Variants in TCAIM observed in about 807,000 individuals in gnomAD.
TCAIM encodes T-cell activation inhibitor, mitochondrial.
TCAIM carries 36 observed loss-of-function variants against 58.6 expected under a neutral mutation model. The ratio of observed to expected loss-of-function variants is 0.61; its 90% CI spans 0.47 to 0.81. The LOEUF is 0.81. Among genes scored for constraint, TCAIM ranks in the 30% least tolerant of loss-of-function variants. The probability of loss-of-function intolerance (pLI) is 0.00; values close to 1 mark genes in which losing one functional copy is unlikely to be tolerated. For synonymous variants in TCAIM, 172 were observed against 193.6 expected, an observed-to-expected ratio of 0.89 and a Z score of 0.93; for missense variants, 466 against 579.6, an observed-to-expected ratio of 0.80 and a Z score of 2.01.
In TCAIM at chr3:44,357,746, G is replaced by A. The variant is rs1701223543; in HGVS notation, c.35G>A (p.Cys12Tyr). 6.2e-7 allele frequency: 1 copy of A among 1,614,070 alleles called. No individual in the cohort carries two copies. Among genetic ancestry groups the A allele is most frequent in the Non-Finnish European group, 8.5e-7 (1 of 1,179,978 alleles). ...AGTCCACATCTTTTTAAAAGGTTAT[G>A]TCTAGAGAAGATATTTCCACACTGG... ...FCHLRPMRRL[C>Y]LEKIFPHWFP... The change falls in exon 3 of 11, where the codon TGT becomes TAT. Residue 12 changes from cysteine (C) to tyrosine (Y), a missense_variant. Coordinates refer to ENST00000342649, the MANE Select transcript of TCAIM (RefSeq NM_173826.4).
chr3:44,388,466 A>C (rs1286018456), intron 5 of TCAIM, among the ~76,000 whole-genome samples: 1 of 152,078 alleles, frequency 6.6e-6, no homozygotes, highest in Non-Finnish European at 1.5e-5. Flanking sequence ...TTGCAGGCCT[A>C]CCCCAGAAGT....
chr3:44,347,707 A>G (rs1159101406), intron 1 of TCAIM, among the ~76,000 whole-genome samples: 1 of 152,224 alleles, frequency 6.6e-6, no homozygotes, highest in Non-Finnish European at 1.5e-5. Flanking sequence ...TTAAAAGGCC[A>G]TGCTGTAACA....
intron 1 of TCAIM, among the ~76,000 whole-genome samples, chr3:44,350,328 G>A (rs1701061646): frequency 6.6e-6 from 1 of 152,132 alleles, no homozygotes; most frequent in African/African-American, 2.4e-5. Context: ...CACTTCTTTT[G>A]TGATTCTTCA....
At position 44,396,836 on chromosome 3, in the gene TCAIM, T is replaced by G; in HGVS notation, c.885+2T>G. On this transcript the variant is annotated splice_donor_variant, in intron 8 of 10. Coordinates refer to ENST00000342649, the MANE Select transcript of TCAIM (RefSeq NM_173826.4). LOFTEE classifies it high-confidence loss of function. ...GATGTCCATCACCACTGGACAAAAGTAAGAAAGAGCCTTAAAATTAAAAAC... is the reference window on the plus strand; with the variant it reads ...GATGTCCATCACCACTGGACAAAAGGAAGAAAGAGCCTTAAAATTAAAAAC... 2 of 1,612,366 alleles carry G rather than the reference T, an allele frequency of 1.2e-6. No homozygotes were observed. Among genetic ancestry groups the G allele is most frequent in the Non-Finnish European group, 1.7e-6 (2 of 1,179,070 alleles).
intron 1 of TCAIM, among the ~76,000 whole-genome samples, chr3:44,350,688 G>A (rs896333343): frequency 3.9e-5 from 6 of 151,986 alleles, no homozygotes; most frequent in Non-Finnish European, 8.8e-5. Context: ...GCAGCCTCCC[G>A]AATTCCTGGG....
At chr3:44,352,853 T>A (rs1216572515) in intron 1 of TCAIM, among the ~76,000 whole-genome samples, 1 of 152,090 alleles carries the variant, frequency 6.6e-6, no homozygotes, top group East Asian at 1.9e-4. Flanking sequence ...TTTCCCAGAC[T>A]GCTTGGAATT....
chr3:44,383,864 A>G (rs1260752065), intron 5 of TCAIM, among the ~76,000 whole-genome samples: 1 of 151,924 alleles, frequency 6.6e-6, no homozygotes, highest in Non-Finnish European at 1.5e-5. Context: ...TTAGCCAGGC[A>G]TAATCACACC....
rs1348061705 is a variant in TCAIM at position 44,354,772 on chromosome 3, T to C, written c.-11T>C. On this transcript the variant is annotated 5_prime_UTR_variant, in exon 2 of 11. Transcript: ENST00000342649. ...GGATGCCTCGAAGTTGACGTACATA[T>C]ATATTCAGAAATGTTTTGCCACCTG... The C allele has an allele frequency of 6.2e-7, 1 of 1,610,446 alleles. No individual in the cohort carries two copies. Among genetic ancestry groups the C allele is most frequent in the Non-Finnish European group, 8.5e-7 (1 of 1,179,262 alleles).
Position 44,384,546 on chromosome 3 carries a change from G to C in TCAIM, c.573-8309G>C, listed in dbSNP as rs181802416. On this transcript the variant is annotated intron_variant, in intron 5 of 10. Coordinates refer to ENST00000342649, the MANE Select transcript of TCAIM (RefSeq NM_173826.4). The stretch of plus-strand genomic sequence containing the variant: ...AACAGGCTGTGATTGGTCCCAAAAA[G>C]AATACTGAACAAGTATACAGCCAAT... 3.8e-3 allele frequency among the ~76,000 whole-genome samples: 580 copies of C among 152,286 alleles called. 1 individual carries two copies. Among genetic ancestry groups the C allele is most frequent in the Middle Eastern group, 0.024 (7 of 294 alleles).
At chr3:44,397,299 C>G (rs1701950353) in intron 8 of TCAIM, among the ~76,000 whole-genome samples, 1 of 152,148 alleles carries the variant, frequency 6.6e-6, no homozygotes, top group African/African-American at 2.4e-5. Flanking sequence ...AACACTCCCT[C>G]CCATCCCACC....
intron 5 of TCAIM, among the ~76,000 whole-genome samples, chr3:44,385,368 T>C (rs1205923905): frequency 6.6e-6 from 1 of 152,130 alleles, no homozygotes; most frequent in African/African-American, 2.4e-5. Context: ...CCCTAAAAAA[T>C]AGATCCATAT....
intron 5 of TCAIM, among the ~76,000 whole-genome samples, chr3:44,389,689 A>C (rs1189191714): frequency 6.6e-6 from 1 of 152,138 alleles, no homozygotes; most frequent in East Asian, 1.9e-4. Context: ...AATGTTTACG[A>C]ATATTCTTAA....
intron 6 of TCAIM, among the ~76,000 whole-genome samples, chr3:44,395,460 T>TTA (rs1011837887): frequency 3.6e-4 from 55 of 152,198 alleles, no homozygotes; most frequent in African/African-American, 1.3e-3. Context: ...AGTGAAAACC[T>TTA]TAGGAAGGCT....
chr3:44,395,894 G>A (rs1365208098), intron 6 of TCAIM, among the ~76,000 whole-genome samples: 5 of 152,204 alleles, frequency 3.3e-5, no homozygotes, highest in African/African-American at 9.6e-5. Flanking sequence ...GGCTGAGGTA[G>A]GAGGATCTCT....
intron 1 of TCAIM, among the ~76,000 whole-genome samples, 154 bp from the exon 2 acceptor site, chr3:44,354,585 A>C (rs1400069082): frequency 6.6e-6 from 1 of 152,096 alleles, no homozygotes; most frequent in African/African-American, 2.4e-5. Context: ...TGTTTCCTTC[A>C]TCTGAGTTTG....
At chr3:44,364,725 G>A (rs1407860328) in intron 4 of TCAIM, among the ~76,000 whole-genome samples, 16 of 148,640 alleles carry the variant, frequency 1.1e-4, no homozygotes, top group African/African-American at 4.0e-4. Context: ...CAGCATGGGT[G>A]ACAGAGTGAG....
chr3:44,375,117 T>A (rs1376816029), intron 5 of TCAIM, among the ~76,000 whole-genome samples: 1 of 152,032 alleles, frequency 6.6e-6, no homozygotes, highest in African/African-American at 2.4e-5. Flanking sequence ...TATTATCAGT[T>A]TTTTTCTTTT....
intron 10 of TCAIM, among the ~76,000 whole-genome samples, chr3:44,405,184 C>T (rs1702081183): frequency 6.6e-6 from 1 of 152,166 alleles, no homozygotes; most frequent in East Asian, 1.9e-4. Flanking sequence ...GAGTAACCTG[C>T]ACCTGAGAAT....
chr3:44,363,920 CTTTTTT>C (rs56361211), intron 4 of TCAIM, among the ~76,000 whole-genome samples: 1 of 67,388 alleles, frequency 1.5e-5, no homozygotes, highest in Non-Finnish European at 2.6e-5. Context: ...GCAAGTCTGT[CTTTTTT>C]TTTTTTTTTT....
Sources: gnomAD v4.1 joint callset for allele counts (sites outside exome capture counted in the v4.1 genomes callset) on GRCh38, gnomAD v4.1.1 for gene constraint, MANE v1.5 for transcripts, NCBI Gene and HGNC (gene_info 2026-07-23, HGNC 2026-07-21) for gene names.